The following CDH8 variants were observed in gnomAD, a reference collection of about 807,000 sequenced individuals.
CDH8 encodes the protein cadherin 8.
CDH8 carries 17 observed loss-of-function variants against 68.1 expected under a neutral mutation model. The observed-to-expected ratio is 0.25, with a 90% CI of 0.17 to 0.37. The LOEUF is 0.37. Among genes scored for constraint, CDH8 ranks in the 10% least tolerant of loss-of-function variants. The pLI, the probability that CDH8 is intolerant of heterozygous loss-of-function variation, is 1.00. For synonymous variants in CDH8, 372 were observed against 365.1 expected (o/e 1.02, Z -0.21); for missense variants, 763 against 999.3 (o/e 0.76, Z 3.19).
At chr16:61,973,577 A>G (rs1438670986) in intron 2 of CDH8, among the ~76,000 whole-genome samples, 3 of 152,176 alleles carry the variant, frequency 2.0e-5, no homozygotes, top group African/African-American at 7.2e-5. Flanking sequence ...ACATCTTCCC[A>G]ACTCTTGTTC....
chr16:61,922,023 T>TG (rs1310107254), intron 2 of CDH8, among the ~76,000 whole-genome samples: 2 of 149,714 alleles, frequency 1.3e-5, no homozygotes, highest in African/African-American at 2.5e-5. Context: ...AGAGCAAGCC[T>TG]GGGGAAAAAA....
At chr16:61,960,239 A>G (rs36058371) in intron 2 of CDH8, among the ~76,000 whole-genome samples, 1,250 of 38,074 alleles carry the variant, frequency 0.033, 299 homozygotes, top group Non-Finnish European at 0.043. Flanking sequence ...ACATATATAC[A>G]TGTGTGTGTG....
intron 8 of CDH8, among the ~76,000 whole-genome samples, chr16:61,787,089 TG>T (rs925174183): frequency 4.0e-4 from 59 of 149,146 alleles, no homozygotes; most frequent in African/African-American, 1.4e-3. Flanking sequence ...AATTGACAAA[TG>T]GGATCTAATT....
chr16:61,655,816 C>G (rs969167994), intron 10 of CDH8, 95 bp from the exon 11 acceptor site: 28 of 1,064,802 alleles, frequency 2.6e-5, no homozygotes, highest in Non-Finnish European at 3.7e-5. Flanking sequence ...TTGCAAACCT[C>G]AAGACAATCC....
intron 2 of CDH8, among the ~76,000 whole-genome samples, chr16:61,980,570 G>T (rs1431312536): frequency 2.0e-5 from 3 of 152,142 alleles, no homozygotes; most frequent in Non-Finnish European, 4.4e-5. Flanking sequence ...CCTCAGGTCA[G>T]TTATGATGAA....
chr16:61,851,293 G>GT (rs1391688714), intron 4 of CDH8, among the ~76,000 whole-genome samples: 1 of 151,504 alleles, frequency 6.6e-6, no homozygotes, highest in Non-Finnish European at 1.5e-5. Flanking sequence ...ATTTTTACAG[G>GT]TTCCACAGAG....
At chr16:61,869,650 A>T (rs1963320220) in intron 3 of CDH8, among the ~76,000 whole-genome samples, 1 of 152,200 alleles carries the variant, frequency 6.6e-6, no homozygotes, top group South Asian at 2.1e-4. Flanking sequence ...CATATTTAGC[A>T]ATATCAATAA....
intron 2 of CDH8, among the ~76,000 whole-genome samples, chr16:61,902,641 CTCTTGGGATCCCTTT>C (rs1193268739): frequency 6.7e-6 from 1 of 149,084 alleles, no homozygotes; most frequent in Non-Finnish European, 1.5e-5. Context: ...ATGCTGTGTT[CTCTTGGGATCCCTTT>C]TATTCAGAAC....
chr16:61,844,886 A>C (rs1190905401), intron 4 of CDH8, among the ~76,000 whole-genome samples: 2 of 152,186 alleles, frequency 1.3e-5, no homozygotes, highest in South Asian at 2.1e-4. Flanking sequence ...TAAGGGAAAG[A>C]CTTTAAAAGT....
intron 4 of CDH8, among the ~76,000 whole-genome samples, chr16:61,835,578 A>C (rs555066624): frequency 2.6e-5 from 4 of 152,078 alleles, no homozygotes; most frequent in South Asian, 4.1e-4. Context: ...CTAAATTGCC[A>C]ATTTTGAGTT....
chr16:61,798,355 C>T (rs1014811977), intron 7 of CDH8, among the ~76,000 whole-genome samples: 1 of 152,090 alleles, frequency 6.6e-6, no homozygotes, highest in Admixed American at 6.6e-5. Flanking sequence ...ATGATATAAA[C>T]TCAGGAGTGA....
At position 62,021,490 on chromosome 16, in the gene CDH8, T is replaced by C; in HGVS notation, c.-87A>G. 2 of 1,522,572 alleles carry C rather than the reference T, an allele frequency of 1.3e-6. No homozygotes were observed. Among genetic ancestry groups the C allele is most frequent in the South Asian group, 2.7e-5 (2 of 74,998 alleles). The allele number at this position is 1,522,572 out of a possible 1,614,324, so 94.3% of individuals were successfully genotyped here. On this transcript the variant is annotated 5_prime_UTR_variant, in exon 2 of 12. Coordinates refer to ENST00000577390, the MANE Select transcript of CDH8 (RefSeq NM_001796.5). The stretch of plus-strand genomic sequence containing the variant: ...TGCAGCCATCCAATTCATCATGCAG[T>C]GCCGAGCATTTACTTACAGCTCTGC...
At chr16:61,764,142 T>C (rs558205469) in intron 8 of CDH8, among the ~76,000 whole-genome samples, 2 of 152,218 alleles carry the variant, frequency 1.3e-5, no homozygotes, top group Non-Finnish European at 1.5e-5. Flanking sequence ...TCCTATGATA[T>C]TGATATTATC....
At chr16:61,782,431 G>A (rs1961095159) in intron 8 of CDH8, among the ~76,000 whole-genome samples, 1 of 151,804 alleles carries the variant, frequency 6.6e-6, no homozygotes, top group African/African-American at 2.4e-5. Context: ...CTGGCTCGGA[G>A]GGTCCTACGC....
chr16:61,995,160 T>C (rs1965787981), intron 2 of CDH8, among the ~76,000 whole-genome samples: 1 of 152,208 alleles, frequency 6.6e-6, no homozygotes, highest in Admixed American at 6.5e-5. Flanking sequence ...CATTCTCTTT[T>C]ATAAGACATA....
chr16:61,887,748 T>A (rs11861203), intron 3 of CDH8, among the ~76,000 whole-genome samples: 31,527 of 151,942 alleles, frequency 0.21, 3,650 homozygotes, highest in African/African-American at 0.32. Context: ...TCTGATCCCA[T>A]CACAAACCCA....
At chr16:61,721,166 T>A (rs543191210) in intron 9 of CDH8, among the ~76,000 whole-genome samples, 4 of 150,898 alleles carry the variant, frequency 2.7e-5, no homozygotes, top group African/African-American at 9.7e-5. Flanking sequence ...CCAAAAGTCA[T>A]ACTTTTGTTA....
At chr16:61,875,857 G>A (rs1963448305) in intron 3 of CDH8, among the ~76,000 whole-genome samples, 1 of 152,044 alleles carries the variant, frequency 6.6e-6, no homozygotes, top group Non-Finnish European at 1.5e-5. Context: ...GACCAAAATA[G>A]TTAGGTTTTC....
At chr16:61,693,064 T>C (rs1964262467) in intron 10 of CDH8, 1 of 152,184 alleles carries the variant, frequency 6.6e-6, no homozygotes, top group African/African-American at 2.4e-5. Context: ...AACTGACTTA[T>C]TTTAATAACT....
Sources: allele counts gnomAD v4.1 joint callset (sites outside exome capture counted in the v4.1 genomes callset), GRCh38; gene constraint gnomAD v4.1.1; transcripts MANE v1.5; gene names NCBI Gene and HGNC (gene_info 2026-07-23, HGNC 2026-07-21).